BMP10: variants seen among roughly 807,000 people sequenced by gnomAD.
BMP10 encodes bone morphogenetic protein 10.
A neutral mutation model predicts 29.9 loss-of-function variants in BMP10; 9 were observed. The ratio of observed to expected loss-of-function variants is 0.30; its 90% CI spans 0.18 to 0.53. The LOEUF (loss-of-function observed/expected upper bound fraction) is 0.53. BMP10 is among the 20% of genes least tolerant of loss of function. The pLI is 0.96. For synonymous variants in BMP10, 202 were observed against 200.2 expected (o/e 1.01, Z -0.07); for missense variants, 474 against 524.3 (o/e 0.90, Z 0.94).
chr2:68,868,053 G>C (rs1173461409), intron 1 of BMP10, among the ~76,000 whole-genome samples: 1 of 152,100 alleles, frequency 6.6e-6, no homozygotes, highest in African/African-American at 2.4e-5. Flanking sequence ...CCCTGGCATG[G>C]CTCTCAAGAC....
At position 68,864,258 on chromosome 2, in the gene BMP10, A is replaced by G. The variant is rs575765466; in HGVS notation, c.*1373T>C. ...TTTTGAGTCATTTGCTTGTGTGTCTATTCATAAATTCGTTTATTTAAATCC... is the reference window on the plus strand; with the variant it reads ...TTTTGAGTCATTTGCTTGTGTGTCTGTTCATAAATTCGTTTATTTAAATCC... On this transcript the variant is annotated 3_prime_UTR_variant, in exon 2 of 2. Transcript: ENST00000295379. 1.8e-3 allele frequency among the ~76,000 whole-genome samples: 275 copies of G among 152,264 alleles called. No individual in the cohort carries two copies. The highest frequency in any genetic ancestry group is 6.4e-3 in the African/African-American group (264 of 41,536).
intron 1 of BMP10, among the ~76,000 whole-genome samples, 198 bp downstream of exon 1, chr2:68,870,827 T>G (rs1189562629): frequency 6.6e-6 from 1 of 152,212 alleles, no homozygotes; most frequent in African/African-American, 2.4e-5. Context: ...AAAAGATGTT[T>G]GTAAGTATTT....
rs759561961 is a variant in BMP10 at position 68,866,554 on chromosome 2, C to T, written c.352G>A (p.Val118Ile). ...TATTTTCGGAGCCCATTAAAACTGA[C>T]CGGCTGGGAAAACAGATCTGAAAAA... ...FKNEDLFSQP[V>I]SFNGLRKYPL... is the part of the protein sequence containing the mutation. The change falls in exon 2 of 2, where the codon GTC (valine) becomes ATC (isoleucine). Residue 118 changes from valine to isoleucine, a missense_variant. Val to Ile is a conservative substitution (Grantham distance 29). This residue lies in a region of BMP10 where 408 missense variants were observed against 415.3 expected (regional missense o/e 0.98). Coordinates refer to ENST00000295379, the MANE Select transcript of BMP10 (RefSeq NM_014482.3). The T allele has an allele frequency of 1.2e-6, 2 of 1,609,108 alleles. No individual in the cohort carries two copies. Among genetic ancestry groups the T allele is most frequent in the Non-Finnish European group, 1.7e-6 (2 of 1,177,258 alleles).
rs1682907389 is a variant in BMP10 at position 68,863,970 on chromosome 2, A to G, written c.*1661T>C. 6.6e-6 allele frequency among the ~76,000 whole-genome samples: 1 copy of G among 152,200 alleles called. No homozygotes were observed. The highest frequency in any genetic ancestry group is 1.5e-5 in the Non-Finnish European group (1 of 68,024). On this transcript the variant is annotated 3_prime_UTR_variant, in exon 2 of 2. Coordinates refer to ENST00000295379, the MANE Select transcript of BMP10 (RefSeq NM_014482.3). ...GTTCCCTGCCTGGAGATGCTGGAACAGTTTGGAAACTGCTCTGCTCTGCTC... is the reference window on the plus strand; with the variant it reads ...GTTCCCTGCCTGGAGATGCTGGAACGGTTTGGAAACTGCTCTGCTCTGCTC...
rs1217884480 is a variant in BMP10 at position 68,863,159 on chromosome 2, T to C, written c.*2472A>G. Among the ~76,000 whole-genome samples, 1 of 152,156 alleles carries C rather than the reference T, an allele frequency of 6.6e-6. No homozygotes were observed. The highest frequency in any genetic ancestry group is 1.5e-5 in the Non-Finnish European group (1 of 68,024). The stretch of plus-strand genomic sequence containing the variant: ...CGGTGTGCCAGCACCAGTGCACAGC[T>C]CCCAAGAGCTGACTTAGGTTTTAGA... On this transcript the variant is annotated 3_prime_UTR_variant, in exon 2 of 2. Transcript: ENST00000295379.
chr2:68,870,959 G>A, intron 1 of BMP10, 66 bp downstream of exon 1: 1 of 1,346,602 alleles, frequency 7.4e-7, no homozygotes, highest in Non-Finnish European at 1.0e-6. Context: ...TCATTCCCAT[G>A]CATTGTAAAT....
At position 68,864,841 on chromosome 2, in the gene BMP10, A is replaced by G. The variant is rs6728793; in HGVS notation, c.*790T>C. On this transcript the variant is annotated 3_prime_UTR_variant, in exon 2 of 2. Coordinates refer to ENST00000295379, the MANE Select transcript of BMP10 (RefSeq NM_014482.3). ...CTTTCTCCCTTTCTCCCCTTCAAGT[A>G]CCCTCCCAACCCCTCTACTCTCTGC... 0.67 allele frequency among the ~76,000 whole-genome samples: 101,840 copies of G among 151,940 alleles called. 34,479 individuals carry two copies. Among genetic ancestry groups the G allele is most frequent in the East Asian group, 0.87 (4,482 of 5,168 alleles).
intron 1 of BMP10, among the ~76,000 whole-genome samples, chr2:68,867,602 A>ATGG (rs1473063123): frequency 3.3e-5 from 5 of 152,170 alleles, no homozygotes; most frequent in Admixed American, 2.0e-4. Context: ...GTGAGCCCAA[A>ATGG]GCTCCTGCAC....
chr2:68,871,068 G>A lies in BMP10; in HGVS notation c.291C>T (p.Thr97=). 1.9e-6 allele frequency: 3 copies of A among 1,614,016 alleles called. No individual in the cohort carries two copies. Among genetic ancestry groups the A allele is most frequent in the Non-Finnish European group, 2.5e-6 (3 of 1,179,996 alleles). ...ELYNKFATDR[T]SMPSANIIRS... ...TAATGATGTTGGCAGAGGGCATGGA[G>A]GTCCGATCTGTTGCAAATTTGTTGT... is the stretch of plus-strand genomic sequence containing the variant. Residue 97 remains threonine, a synonymous_variant, in exon 1 of 2, where the codon ACC becomes ACT. Transcript: ENST00000295379.
chr2:68,866,800 A>C (rs995434277), intron 1 of BMP10, among the ~76,000 whole-genome samples: 1 of 152,150 alleles, frequency 6.6e-6, no homozygotes, highest in African/African-American at 2.4e-5. Context: ...TAAAATGGAA[A>C]ATGGGGGTCT....
In BMP10 at chr2:68,863,983, C is replaced by T. The variant is rs1421749510; in HGVS notation, c.*1648G>A. 2.6e-5 allele frequency among the ~76,000 whole-genome samples: 4 copies of T among 152,138 alleles called. No individual in the cohort carries two copies. The highest frequency in any genetic ancestry group is 2.6e-4 in the Admixed American group (4 of 15,272). ...AGATGCTGGAACAGTTTGGAAACTG[C>T]TCTGCTCTGCTCTGGTTCCTCCTGC... On this transcript the variant is annotated 3_prime_UTR_variant, in exon 2 of 2. Transcript: ENST00000295379.
At chr2:68,868,924 A>T (rs1431887484) in intron 1 of BMP10, among the ~76,000 whole-genome samples, 1 of 152,248 alleles carries the variant, frequency 6.6e-6, no homozygotes, top group Admixed American at 6.5e-5. Context: ...TTTATACATC[A>T]ATATTTTTAT....
At chr2:68,870,190 C>G (rs965257946) in intron 1 of BMP10, among the ~76,000 whole-genome samples, 1 of 152,168 alleles carries the variant, frequency 6.6e-6, no homozygotes, top group African/African-American at 2.4e-5. Context: ...GGACCTTCAG[C>G]TTCTACTATA....
intron 1 of BMP10, among the ~76,000 whole-genome samples, chr2:68,869,694 TCA>T (rs1683034422): frequency 1.3e-5 from 2 of 152,120 alleles, no homozygotes; most frequent in African/African-American, 4.8e-5. Flanking sequence ...CAATTCAGAC[TCA>T]CCTCCAAAAG....
chr2:68,863,715 C>T lies in BMP10; in HGVS notation c.*1916G>A, dbSNP rs1682902210. 1.3e-5 allele frequency among the ~76,000 whole-genome samples: 2 copies of T among 152,148 alleles called. No homozygotes were observed. Among genetic ancestry groups the T allele is most frequent in the Non-Finnish European group, 2.9e-5 (2 of 68,024 alleles). Reference sequence around the variant, plus strand: ...CCCAGCAGACAACAGATCTAGCGAGCTGAGGTTCAAATTGGGCCTTCTTCA... The same window carrying T: ...CCCAGCAGACAACAGATCTAGCGAGTTGAGGTTCAAATTGGGCCTTCTTCA... On this transcript the variant is annotated 3_prime_UTR_variant, in exon 2 of 2. Coordinates refer to ENST00000295379, the MANE Select transcript of BMP10 (RefSeq NM_014482.3).
Position 68,864,340 on chromosome 2 carries a change from CT to C in BMP10, c.*1290del, listed in dbSNP as rs1682913799. Among the ~76,000 whole-genome samples, 2 of 152,096 alleles carry C rather than the reference CT, an allele frequency of 1.3e-5. No homozygotes were observed. Among genetic ancestry groups the C allele is most frequent in the Non-Finnish European group, 1.5e-5 (1 of 68,022 alleles). ...TACTTACTTATTCTGGTTTTCTTTT[CT>C]CTTATATCTAAGTATTCTTCATGAA... On this transcript the variant is annotated 3_prime_UTR_variant, in exon 2 of 2. Transcript: ENST00000295379.
At chr2:68,869,556 C>T (rs148723323) in intron 1 of BMP10, among the ~76,000 whole-genome samples, 84 of 152,284 alleles carry the variant, frequency 5.5e-4, no homozygotes, top group African/African-American at 1.7e-3. Flanking sequence ...GAAGTGAGAA[C>T]GGAAAACGTT....
At chr2:68,868,104 T>C (rs1315864128) in intron 1 of BMP10, among the ~76,000 whole-genome samples, 17 of 152,222 alleles carry the variant, frequency 1.1e-4, no homozygotes, top group Admixed American at 1.1e-3. Flanking sequence ...AGCCATAGCT[T>C]ACATACGTCC....
intron 1 of BMP10, among the ~76,000 whole-genome samples, chr2:68,869,688 T>G (rs1185767970): frequency 6.6e-6 from 1 of 152,166 alleles, no homozygotes; most frequent in Non-Finnish European, 1.5e-5. Context: ...CATTTTCAAT[T>G]CAGACTCACC....
Sources: gnomAD v4.1 joint callset for allele counts (sites outside exome capture counted in the v4.1 genomes callset) on GRCh38, gnomAD v4.1.1 for gene constraint, gnomAD v4.1.1 regional missense constraint, MANE v1.5 for transcripts, NCBI Gene and HGNC (gene_info 2026-07-23, HGNC 2026-07-21) for gene names.